Variants in ABLIM1 observed in about 807,000 individuals in gnomAD.
The protein encoded by ABLIM1 is actin binding LIM protein 1.
A neutral mutation model predicts 107.0 loss-of-function variants in ABLIM1; 40 were observed. The ratio of observed to expected loss-of-function variants is 0.37; its 90% CI spans 0.29 to 0.49. ABLIM1 has a LOEUF of 0.49. Among genes scored for constraint, ABLIM1 ranks in the 20% least tolerant of loss-of-function variants. The pLI is 0.97. For synonymous variants in ABLIM1, 357 were observed against 357.3 expected, an observed-to-expected ratio of 1.00 and a Z score of 0.01; for missense variants, 857 against 1,008.5, an observed-to-expected ratio of 0.85 and a Z score of 2.04.
intron 5 of ABLIM1, among the ~76,000 whole-genome samples, chr10:114,545,644 G>T (rs938343433): frequency 6.6e-6 from 1 of 152,106 alleles, no homozygotes; most frequent in Non-Finnish European, 1.5e-5. Context: ...TGACACTGAG[G>T]CCCGGCACGG....
At chr10:114,632,646 G>A in intron 1 of ABLIM1, 1 of 985,408 alleles carries the variant, frequency 1.0e-6, no homozygotes, top group Non-Finnish European at 1.2e-6. Flanking sequence ...CCGGGGAAGA[G>A]GATCTTTCAG....
intron 1 of ABLIM1, among the ~76,000 whole-genome samples, chr10:114,738,511 C>A (rs934667426): frequency 6.6e-6 from 1 of 152,192 alleles, no homozygotes; most frequent in Non-Finnish European, 1.5e-5. Context: ...GCACTTTATA[C>A]TCTCTAGTCA....
At chr10:114,709,004 G>A (rs2081485324) in intron 1 of ABLIM1, among the ~76,000 whole-genome samples, 1 of 152,192 alleles carries the variant, frequency 6.6e-6, no homozygotes, top group South Asian at 2.1e-4. Flanking sequence ...TTAAGAACTT[G>A]GCTAAGGGGA....
intron 1 of ABLIM1, among the ~76,000 whole-genome samples, chr10:114,644,308 T>G (rs954771915): frequency 1.8e-5 from 1 of 56,082 alleles, no homozygotes; most frequent in Non-Finnish European, 3.0e-5. Context: ...AAAAAAAAAA[T>G]ATATATATAT....
chr10:114,751,876 A>G (rs1050076125), intron 1 of ABLIM1, among the ~76,000 whole-genome samples: 1 of 152,218 alleles, frequency 6.6e-6, no homozygotes, highest in African/African-American at 2.4e-5. Flanking sequence ...CATGGGCTTG[A>G]GAATACCAAA....
At chr10:114,721,490 AT>A (rs369853318) in intron 1 of ABLIM1, among the ~76,000 whole-genome samples, 7,214 of 148,976 alleles carry the variant, frequency 0.048, 261 homozygotes, top group African/African-American at 0.09. Flanking sequence ...TGAGCAGATA[AT>A]TTTTTTTTTT....
chr10:114,791,528 C>T, the ABLIM1 span, among the ~76,000 whole-genome samples: 1 of 151,844 alleles, frequency 6.6e-6, no homozygotes, highest in Non-Finnish European at 1.5e-5. Context: ...GTCCCAGCTA[C>T]TCGGGAGGCT....
intron 6 of ABLIM1, among the ~76,000 whole-genome samples, chr10:114,542,097 T>A (rs993903248): frequency 6.6e-6 from 1 of 152,218 alleles, no homozygotes; most frequent in Non-Finnish European, 1.5e-5. Flanking sequence ...TGGGAAATCA[T>A]TCTGATGTTC....
chr10:114,683,072 G>T (rs2080813486), intron 1 of ABLIM1, among the ~76,000 whole-genome samples: 1 of 152,152 alleles, frequency 6.6e-6, no homozygotes, highest in Non-Finnish European at 1.5e-5. Flanking sequence ...AGGAATACAC[G>T]AATGCATTCT....
chr10:114,492,130 A>G (rs1392299545), intron 6 of ABLIM1, among the ~76,000 whole-genome samples: 2 of 151,816 alleles, frequency 1.3e-5, no homozygotes, highest in African/African-American at 2.4e-5. Flanking sequence ...TCTGGCTTCT[A>G]TGTCTCCCTC....
the ABLIM1 span, among the ~76,000 whole-genome samples, chr10:114,786,920 G>C: frequency 6.6e-6 from 1 of 151,880 alleles, no homozygotes; most frequent in Non-Finnish European, 1.5e-5. Context: ...CGGCCACCCC[G>C]TCTGGGAAGT....
At chr10:114,691,322 A>C (rs2081073898) in intron 1 of ABLIM1, among the ~76,000 whole-genome samples, 1 of 152,202 alleles carries the variant, frequency 6.6e-6, no homozygotes, top group South Asian at 2.1e-4. Context: ...TATTTGCATG[A>C]ATTTTTTTCA....
At chr10:114,523,603 A>G (rs540080867) in intron 6 of ABLIM1, among the ~76,000 whole-genome samples, 4 of 152,244 alleles carry the variant, frequency 2.6e-5, no homozygotes, top group African/African-American at 9.6e-5. Context: ...CAAATTCTAC[A>G]ACCCACAGAC....
chr10:114,478,224 C>A (rs1031746266), intron 8 of ABLIM1, among the ~76,000 whole-genome samples: 1 of 152,110 alleles, frequency 6.6e-6, no homozygotes, highest in Non-Finnish European at 1.5e-5. Flanking sequence ...TACACTTACC[C>A]CCAAGTTCTC....
chr10:114,444,178 G>T (rs2060673989), intron 16 of ABLIM1, 44 bp from the exon 17 acceptor site: 1 of 1,465,176 alleles, frequency 6.8e-7, no homozygotes, highest in Non-Finnish European at 9.2e-7. Context: ...AGAAAGCAAA[G>T]CTTGCAATTA....
chr10:114,530,777 G>A (rs535474202), intron 6 of ABLIM1, among the ~76,000 whole-genome samples: 1 of 152,268 alleles, frequency 6.6e-6, no homozygotes, highest in African/African-American at 2.4e-5. Flanking sequence ...TAGGTGATAT[G>A]CCCACCTCAG....
chr10:114,645,636 ATT>A (rs1185423053), intron 1 of ABLIM1, among the ~76,000 whole-genome samples: 1 of 152,152 alleles, frequency 6.6e-6, no homozygotes, highest in Non-Finnish European at 1.5e-5. Flanking sequence ...GACAGAATAT[ATT>A]TTTTTCTCAA....
chr10:114,450,102 T>C, intron 14 of ABLIM1: 1 of 401,736 alleles, frequency 2.5e-6, no homozygotes, highest in Non-Finnish European at 5.0e-6. Flanking sequence ...ATTTTATTCT[T>C]AAATTAACAA....
chr10:114,555,427 G>T (rs561466446), intron 4 of ABLIM1, among the ~76,000 whole-genome samples: 3 of 152,234 alleles, frequency 2.0e-5, no homozygotes, highest in Non-Finnish European at 4.4e-5. Context: ...TTTCTCAAAT[G>T]CCCTTGAACC....
Sources: gnomAD v4.1 joint callset for allele counts (sites outside exome capture counted in the v4.1 genomes callset) on GRCh38, gnomAD v4.1.1 for gene constraint, MANE v1.5 for transcripts, NCBI Gene and HGNC (gene_info 2026-07-23, HGNC 2026-07-21) for gene names.